ACOT13: variants seen among roughly 807,000 people sequenced by gnomAD.
ACOT13 encodes acyl-coenzyme A thioesterase 13.
ACOT13 carries 10 observed loss-of-function variants against 11.8 expected under a neutral mutation model. The ratio of observed to expected loss-of-function variants is 0.85; its 90% confidence interval spans 0.53 to 1.44. The LOEUF is 1.44. ACOT13 is among the 40% of genes most tolerant of loss of function. The probability of loss-of-function intolerance (pLI) is 0.00; values close to 1 mark genes in which losing one functional copy is unlikely to be tolerated. For synonymous variants in ACOT13, 53 were observed against 61.0 expected (o/e 0.87, Z 0.61); for missense variants, 172 against 174.1 (o/e 0.99, Z 0.07).
At chr6:24,687,190 C>T (rs969461545) in intron 1 of ACOT13, among the ~76,000 whole-genome samples, 6 of 152,180 alleles carry the variant, frequency 3.9e-5, no homozygotes, top group African/African-American at 1.4e-4. Flanking sequence ...AACTACGACC[C>T]ATTAAACAAT....
intron 1 of ACOT13, among the ~76,000 whole-genome samples, chr6:24,673,097 AATC>A (rs1778388670): frequency 6.6e-6 from 1 of 152,236 alleles, no homozygotes; most frequent in African/African-American, 2.4e-5. Context: ...ACCCAGTTGT[AATC>A]ATGTTAATTA....
At chr6:24,675,068 T>C (rs571314241) in intron 1 of ACOT13, among the ~76,000 whole-genome samples, 1 of 152,124 alleles carries the variant, frequency 6.6e-6, no homozygotes, top group Non-Finnish European at 1.5e-5. Context: ...AACTCATCCT[T>C]TTTTATGGCT....
intron 1 of ACOT13, among the ~76,000 whole-genome samples, chr6:24,688,838 C>T (rs1778677987): frequency 6.6e-6 from 1 of 152,082 alleles, no homozygotes; most frequent in Non-Finnish European, 1.5e-5. Flanking sequence ...AGTCAAAATA[C>T]AACGGTCTGG....
At chr6:24,676,099 C>A (rs1481151225) in intron 1 of ACOT13, among the ~76,000 whole-genome samples, 1 of 152,160 alleles carries the variant, frequency 6.6e-6, no homozygotes, top group African/African-American at 2.4e-5. Context: ...GTTTTGGTAC[C>A]AGTACCATGC....
intron 1 of ACOT13, among the ~76,000 whole-genome samples, chr6:24,682,080 CCCCAACCCAGA>C (rs1778560943): frequency 6.6e-6 from 1 of 152,186 alleles, no homozygotes; most frequent in East Asian, 1.9e-4. Context: ...AGACCAACGT[CCCCAACCCAGA>C]AGGGTTGGGG....
chr6:24,673,506 A>G (rs1344823710), intron 1 of ACOT13, among the ~76,000 whole-genome samples: 1 of 152,178 alleles, frequency 6.6e-6, no homozygotes, highest in East Asian at 1.9e-4. Context: ...GACTACAGGC[A>G]CATGCCACCA....
At chr6:24,674,102 C>T (rs1354855017) in intron 1 of ACOT13, among the ~76,000 whole-genome samples, 3 of 152,108 alleles carry the variant, frequency 2.0e-5, no homozygotes, top group Non-Finnish European at 4.4e-5. Context: ...TGCTCTGGCA[C>T]CCAGGCTGGA....
chr6:24,676,722 G>C (rs1362106333), intron 1 of ACOT13, among the ~76,000 whole-genome samples: 1 of 152,100 alleles, frequency 6.6e-6, no homozygotes, highest in Non-Finnish European at 1.5e-5. Context: ...TCTAATAGAG[G>C]GTCCTGCCTT....
At chr6:24,681,310 G>C (rs1778544865) in intron 1 of ACOT13, among the ~76,000 whole-genome samples, 1 of 152,134 alleles carries the variant, frequency 6.6e-6, no homozygotes, top group Non-Finnish European at 1.5e-5. Flanking sequence ...GCCCATCCGC[G>C]GGTTACTGGG....
rs559041889 is a variant in ACOT13, at chr6:24,703,429, G to A, written c.*1814G>A. Reference sequence around the variant, plus strand: ...CACTAAAAGGAAGCTGGGCTCCTTGGAGAAACAGCTGACTCCAGGGCTTGA... The same window carrying A: ...CACTAAAAGGAAGCTGGGCTCCTTGAAGAAACAGCTGACTCCAGGGCTTGA... On this transcript the variant is annotated 3_prime_UTR_variant, in exon 3 of 3. Coordinates refer to ENST00000230048, the MANE Select transcript of ACOT13 (RefSeq NM_018473.4). The A allele has an allele frequency of 6.6e-6, 1 of 152,440 alleles. No individual in the cohort carries two copies. The highest frequency in any genetic ancestry group is 2.1e-4 in the South Asian group (1 of 4,832). 9.4% of individuals were successfully genotyped at this position (152,440 alleles called of 1,614,324 possible).
At chr6:24,687,033 A>T (rs1046677237) in intron 1 of ACOT13, among the ~76,000 whole-genome samples, 2 of 152,194 alleles carry the variant, frequency 1.3e-5, no homozygotes, top group Admixed American at 6.5e-5. Context: ...AGCATTAGGG[A>T]TCACATTTCA....
intron 1 of ACOT13, among the ~76,000 whole-genome samples, chr6:24,682,205 C>T (rs1425717087): frequency 6.6e-6 from 1 of 152,214 alleles, no homozygotes; most frequent in East Asian, 1.9e-4. Flanking sequence ...TATTTTCCTC[C>T]AATTCTAAGG....
chr6:24,699,468 C>G (rs1278142268), intron 2 of ACOT13, among the ~76,000 whole-genome samples: 1 of 152,168 alleles, frequency 6.6e-6, no homozygotes, highest in Non-Finnish European at 1.5e-5. Flanking sequence ...CCTTGGCCTC[C>G]CAAAGTGCTG....
Position 24,667,220 on chromosome 6 carries a change from A to C in ACOT13, c.-44A>C, listed in dbSNP as rs1778272727. 1 of 1,586,440 alleles carries C rather than the reference A, an allele frequency of 6.3e-7. No individual in the cohort carries two copies. Among genetic ancestry groups the C allele is most frequent in the Non-Finnish European group, 8.6e-7 (1 of 1,156,696 alleles). ...CTTCTGGACTTTCCAGCTCTTCCGA[A>C]GTTCGTTCTTGCGCAAAGCCCAAAG... is the stretch of plus-strand genomic sequence containing the variant. On this transcript the variant is annotated 5_prime_UTR_variant, in exon 1 of 3. Transcript: ENST00000230048.
intron 1 of ACOT13, among the ~76,000 whole-genome samples, chr6:24,670,953 G>C (rs1778352562): frequency 6.6e-6 from 1 of 151,888 alleles, no homozygotes; most frequent in Non-Finnish European, 1.5e-5. Flanking sequence ...CTGCATTCAA[G>C]AGGAAACAAC....
intron 1 of ACOT13, among the ~76,000 whole-genome samples, chr6:24,670,185 A>G (rs1778336849): frequency 6.6e-6 from 1 of 152,156 alleles, no homozygotes; most frequent in Non-Finnish European, 1.5e-5. Context: ...ATTTGACCAG[A>G]TTATTTATAT....
intron 1 of ACOT13, among the ~76,000 whole-genome samples, chr6:24,679,508 G>C (rs1295268560): frequency 1.3e-5 from 2 of 152,158 alleles, no homozygotes; most frequent in Admixed American, 1.3e-4. Flanking sequence ...TGTTATAGTG[G>C]ACATCATTGC....
intron 1 of ACOT13, among the ~76,000 whole-genome samples, chr6:24,685,101 T>C (rs1431923634): frequency 6.6e-6 from 1 of 152,134 alleles, no homozygotes; most frequent in Non-Finnish European, 1.5e-5. Context: ...TTACAGTACG[T>C]CTGAGTTCAG....
chr6:24,667,670 T>G (rs1313885781), intron 1 of ACOT13, among the ~76,000 whole-genome samples: 1 of 152,190 alleles, frequency 6.6e-6, no homozygotes, highest in Non-Finnish European at 1.5e-5. Context: ...ACCTCTGCAT[T>G]TAAGGCACAT....
Sources: allele counts gnomAD v4.1 joint callset (sites outside exome capture counted in the v4.1 genomes callset), GRCh38; gene constraint gnomAD v4.1.1; transcripts MANE v1.5; gene names NCBI Gene and HGNC (gene_info 2026-07-23, HGNC 2026-07-21).